The following PLEKHH2 variants were observed in gnomAD, a reference collection of about 807,000 sequenced individuals.
PLEKHH2 encodes the protein pleckstrin homology, MyTH4 and FERM domain containing H2.
PLEKHH2 carries 129 observed loss-of-function variants against 187.9 expected under a neutral mutation model. The observed-to-expected ratio is 0.69, with a 90% CI of 0.59 to 0.79. The LOEUF (loss-of-function observed/expected upper bound fraction) is 0.79. Ranked by LOEUF, PLEKHH2 falls within the 30% of genes least tolerant of loss-of-function variation. PLEKHH2 has a pLI of 0.00. For synonymous variants in PLEKHH2, 686 were observed against 605.6 expected (o/e 1.13, Z -1.95); for missense variants, 2,076 against 1,751.2 (o/e 1.19, Z -3.31).
chr2:43,728,769 C>T (rs371507261), intron 17 of PLEKHH2, among the ~76,000 whole-genome samples: 24 of 151,932 alleles, frequency 1.6e-4, no homozygotes, highest in African/African-American at 5.3e-4. Context: ...ACCATGTTGG[C>T]CAGGCTGGTC....
intron 2 of PLEKHH2, among the ~76,000 whole-genome samples, chr2:43,650,411 A>C (rs12712893): frequency 6.6e-6 from 1 of 151,496 alleles, no homozygotes; most frequent in Non-Finnish European, 1.5e-5. Context: ...GGGATTACAG[A>C]CGTGAGCCAC....
Position 43,692,542 on chromosome 2 carries a change from C to T in PLEKHH2, c.215C>T (p.Ala72Val), listed in dbSNP as rs776678559. The T allele has an allele frequency of 1.3e-6, 2 of 1,580,730 alleles. No homozygotes were observed. The highest frequency in any genetic ancestry group is 1.7e-6 in the Non-Finnish European group (2 of 1,154,564). ...QVQVMEDKLK[A>V]ANIQTSESET... Reference sequence around the variant, plus strand: ...CAAGTTATGGAAGATAAATTAAAAGCAGCTAATATTCAAACCAGTGAATCA... The same window carrying T: ...CAAGTTATGGAAGATAAATTAAAAGTAGCTAATATTCAAACCAGTGAATCA... Residue 72 changes from alanine (A) to valine (V), a missense_variant, in exon 4 of 30, where the codon GCA (alanine) becomes GTA (valine). Transcript: ENST00000282406.
chr2:43,680,736 A>G, intron 3 of PLEKHH2: 1 of 411,644 alleles, frequency 2.4e-6, no homozygotes. Flanking sequence ...TAAATCTTTC[A>G]GAAGGACCTC....
In PLEKHH2 at chr2:43,765,624, C is replaced by T. The variant is rs764470249; in HGVS notation, c.*26C>T. 1.2e-6 allele frequency: 2 copies of T among 1,604,940 alleles called. No homozygotes were observed. Among genetic ancestry groups the T allele is most frequent in the Non-Finnish European group, 1.7e-6 (2 of 1,176,054 alleles). ...AAGCTGGGGAGCCTGAACATTCACT[C>T]CTTGTCCTCCATGCTGTGGCTGTAT... On this transcript the variant is annotated 3_prime_UTR_variant, in exon 30 of 30. Transcript: ENST00000282406.
At position 43,697,354 on chromosome 2, in the gene PLEKHH2, A is replaced by C. The variant is rs760834190; in HGVS notation, c.686A>C (p.Glu229Ala). ...GAGTTCACTGAAGGAAAAGACATGG[A>C]AGGTATTTATGAACTACAGGAATTG... Reference protein sequence around the residue: ...EPEFTEGKDMEEMEIPEKSVD... With the variant: ...EPEFTEGKDMAEMEIPEKSVD... Residue 229 changes from glutamate (E) to alanine (A), a missense_variant and splice_region_variant, in exon 7 of 30, where the codon GAA (glutamate) becomes GCA (alanine). Transcript: ENST00000282406. The C allele has an allele frequency of 6.2e-7, 1 of 1,606,850 alleles. No homozygotes were observed. Among genetic ancestry groups the C allele is most frequent in the Non-Finnish European group, 8.5e-7 (1 of 1,176,476 alleles).
intron 11 of PLEKHH2, among the ~76,000 whole-genome samples, chr2:43,708,786 T>C (rs527648379): frequency 2.5e-4 from 38 of 152,300 alleles, no homozygotes; most frequent in Admixed American, 1.0e-3. Flanking sequence ...TTTGGACAAA[T>C]CCTTTAATCT....
intron 20 of PLEKHH2, 170 bp from the exon 21 acceptor site, chr2:43,740,774 TAG>T (rs1671527496): frequency 9.9e-6 from 12 of 1,207,476 alleles, no homozygotes; most frequent in Non-Finnish European, 1.3e-5. Context: ...TGACCCAATG[TAG>T]AGTTTTTTGT....
chr2:43,707,434 G>T lies in PLEKHH2; in HGVS notation c.1855G>T (p.Asp619Tyr). The T allele has an allele frequency of 6.2e-7, 1 of 1,614,016 alleles. No individual in the cohort carries two copies. The highest frequency in any genetic ancestry group is 8.5e-7 in the Non-Finnish European group (1 of 1,179,992). ...ATQISSSPFLDDSSGSEEEDS... is the reference protein window; with the variant it reads ...ATQISSSPFLYDSSGSEEEDS... ...CCAAATAAGTAGCAGCCCTTTCCTG[G>T]ATGACTCATCTGGGTCAGAGGAAGA... is the stretch of plus-strand genomic sequence containing the variant. Residue 619 changes from aspartate to tyrosine, a missense_variant, in exon 11 of 30, where the codon GAT (aspartate) becomes TAT (tyrosine). Coordinates refer to ENST00000282406, the MANE Select transcript of PLEKHH2 (RefSeq NM_172069.4).
At chr2:43,666,204 A>G (rs1667195909) in intron 2 of PLEKHH2, among the ~76,000 whole-genome samples, 1 of 150,282 alleles carries the variant, frequency 6.7e-6, no homozygotes, top group Admixed American at 6.6e-5. Flanking sequence ...CGGTCTGAAA[A>G]GCGCAGTATT....
chr2:43,752,736 C>T (rs1210342683), intron 24 of PLEKHH2, among the ~76,000 whole-genome samples: 1 of 152,160 alleles, frequency 6.6e-6, no homozygotes, highest in Non-Finnish European at 1.5e-5. Flanking sequence ...TGTGCCTGAT[C>T]TGCAGCCTGA....
At chr2:43,674,613 C>T (rs1003278569) in intron 2 of PLEKHH2, among the ~76,000 whole-genome samples, 7 of 152,184 alleles carry the variant, frequency 4.6e-5, no homozygotes, top group Admixed American at 3.3e-4. Flanking sequence ...TGAGAATGTA[C>T]TTGCACAGTT....
At chr2:43,756,254 G>A (rs76090684) in intron 25 of PLEKHH2, among the ~76,000 whole-genome samples, 6,781 of 152,094 alleles carry the variant, frequency 0.045, 292 homozygotes, top group African/African-American at 0.11. Context: ...TTACATTCAG[G>A]AGAGACCCTC....
Position 43,742,844 on chromosome 2 carries a change from A to C in PLEKHH2, c.3325A>C (p.Thr1109Pro). 6.2e-7 allele frequency: 1 copy of C among 1,609,310 alleles called. No homozygotes were observed. The highest frequency in any genetic ancestry group is 8.5e-7 in the Non-Finnish European group (1 of 1,178,134). The change falls in exon 22 of 30, where the codon ACT becomes CCT. Residue 1109 changes from threonine to proline, a missense_variant. Transcript: ENST00000282406. ...ARPSRMEILS[T>P]LLRNPYHHSL... ...ACCCTCAAGGATGGAAATTCTTTCA[A>C]CTCTTCTCCGAAACCCTTATCACCA...
intron 16 of PLEKHH2, among the ~76,000 whole-genome samples, chr2:43,721,357 G>A (rs1670469284): frequency 6.6e-6 from 1 of 151,988 alleles, no homozygotes; most frequent in Admixed American, 6.6e-5. Context: ...AACCAACATG[G>A]GCCACGAGTA....
In PLEKHH2 at chr2:43,712,258, G is replaced by A. The variant is rs1670002819; in HGVS notation, c.2335G>A (p.Ala779Thr). 1 of 1,613,522 alleles carries A rather than the reference G, an allele frequency of 6.2e-7. No homozygotes were observed. Among genetic ancestry groups the A allele is most frequent in the Non-Finnish European group, 8.5e-7 (1 of 1,179,436 alleles). Reference sequence around the variant, plus strand: ...TGAAAAACACACATACTATCTGACTGCAGATTCTCCCAATATATTGGAAGA... The same window carrying A: ...TGAAAAACACACATACTATCTGACTACAGATTCTCCCAATATATTGGAAGA... ...TTEKHTYYLT[A>T]DSPNILEEWI... Residue 779 changes from alanine to threonine, a missense_variant, in exon 15 of 30, where the codon GCA becomes ACA. Coordinates refer to ENST00000282406, the MANE Select transcript of PLEKHH2 (RefSeq NM_172069.4).
chr2:43,747,823 T>G (rs1671841598), intron 24 of PLEKHH2, among the ~76,000 whole-genome samples: 1 of 152,190 alleles, frequency 6.6e-6, no homozygotes, highest in South Asian at 2.1e-4. Flanking sequence ...TGTTCAGACT[T>G]AAAATTGGAA....
Position 43,699,907 on chromosome 2 carries a change from T to C in PLEKHH2, c.949T>C (p.Cys317Arg). 1 of 1,614,092 alleles carries C rather than the reference T, an allele frequency of 6.2e-7. No homozygotes were observed. The highest frequency in any genetic ancestry group is 8.5e-7 in the Non-Finnish European group (1 of 1,179,986). ...SSHTSEEGVQ[C>R]SRMGSEMYLT... ...TCACACATCTGAGGAAGGGGTCCAG[T>C]GTAGCAGGATGGGAAGTGAAATGTA... Residue 317 changes from cysteine to arginine, a missense_variant, in exon 8 of 30, where the codon TGT becomes CGT. Cys to Arg is a radical substitution (Grantham distance 180). Coordinates refer to ENST00000282406, the MANE Select transcript of PLEKHH2 (RefSeq NM_172069.4).
chr2:43,722,172 C>G (rs1303383632), intron 16 of PLEKHH2, among the ~76,000 whole-genome samples: 2 of 149,472 alleles, frequency 1.3e-5, no homozygotes, highest in East Asian at 4.0e-4. Context: ...AGGAGGATTG[C>G]TTGAGCCCAG....
chr2:43,738,589 C>T (rs1332578864), intron 20 of PLEKHH2, 69 bp downstream of exon 20: 1 of 1,385,628 alleles, frequency 7.2e-7, no homozygotes, highest in Non-Finnish European at 9.8e-7. Context: ...AAGAATGATA[C>T]ACATTCAGCA....
Sources: gnomAD v4.1 joint callset for allele counts (sites outside exome capture counted in the v4.1 genomes callset) on GRCh38, gnomAD v4.1.1 for gene constraint, MANE v1.5 for transcripts, NCBI Gene and HGNC (gene_info 2026-07-23, HGNC 2026-07-21) for gene names.